TTC29: variants seen among roughly 807,000 people sequenced by gnomAD.
TTC29 encodes the protein tetratricopeptide repeat domain 29, also known as tetratricopeptide repeat protein 29.
Under a neutral mutation model 58.1 loss-of-function variants are expected in TTC29, and 49 were observed. The ratio of observed to expected loss-of-function variants is 0.84; its 90% CI spans 0.67 to 1.07. The LOEUF (loss-of-function observed/expected upper bound fraction) is 1.07. TTC29 is among the 50% of genes least tolerant of loss of function. The probability of loss-of-function intolerance (pLI) is 0.00; values close to 1 mark genes in which losing one functional copy is unlikely to be tolerated. For synonymous variants in TTC29, 209 were observed against 196.8 expected (o/e 1.06, Z -0.52); for missense variants, 582 against 555.6 (o/e 1.05, Z -0.48).
intron 11 of TTC29, among the ~76,000 whole-genome samples, chr4:146,790,163 A>G (rs1222215392): frequency 1.3e-5 from 2 of 151,712 alleles, no homozygotes; most frequent in African/African-American, 4.8e-5. Flanking sequence ...GCCCTCACCA[A>G]ATCCAAACCC....
intron 2 of TTC29, 68 bp from the exon 3 acceptor site, chr4:146,939,969 T>C: frequency 7.0e-7 from 1 of 1,429,742 alleles, no homozygotes; most frequent in Non-Finnish European, 9.5e-7. Context: ...TTTAAGACAT[T>C]ATTAGAGATT....
At chr4:146,867,122 A>G (rs1268865542) in intron 8 of TTC29, among the ~76,000 whole-genome samples, 2 of 152,192 alleles carry the variant, frequency 1.3e-5, no homozygotes, top group Non-Finnish European at 2.9e-5. Flanking sequence ...CTGTGTGTGC[A>G]AAATTTCCCA....
intron 11 of TTC29, among the ~76,000 whole-genome samples, chr4:146,725,123 C>CA (rs932167808): frequency 2.0e-5 from 3 of 151,822 alleles, no homozygotes; most frequent in African/African-American, 7.3e-5. Context: ...GTGGTAGGGA[C>CA]AAAAAAGTAC....
At chr4:146,880,278 G>T (rs1249244177) in intron 6 of TTC29, among the ~76,000 whole-genome samples, 1 of 152,036 alleles carries the variant, frequency 6.6e-6, no homozygotes, top group Admixed American at 6.6e-5. Context: ...GTTTTGTTTT[G>T]TTTATCAATT....
intron 7 of TTC29, among the ~76,000 whole-genome samples, chr4:146,870,954 G>A (rs1213509615): frequency 6.6e-6 from 1 of 151,854 alleles, no homozygotes; most frequent in East Asian, 1.9e-4. Flanking sequence ...AACTTTTTAA[G>A]CAATTAAGAG....
chr4:146,871,498 G>C (rs1041316762), intron 7 of TTC29, among the ~76,000 whole-genome samples: 1 of 151,814 alleles, frequency 6.6e-6, no homozygotes, highest in Admixed American at 6.6e-5. Context: ...CCATAGTCTT[G>C]TATATAGAGA....
At chr4:146,831,745 T>C (rs574690738) in intron 9 of TTC29, 71 of 452,068 alleles carry the variant, frequency 1.6e-4, no homozygotes, top group South Asian at 9.9e-4. Context: ...ATATTCCAGA[T>C]AAGAAGCAAG....
chr4:146,939,780 T>G (rs1463150789), intron 3 of TTC29, 24 bp downstream of exon 3: 1 of 1,582,388 alleles, frequency 6.3e-7, no homozygotes, highest in Non-Finnish European at 8.6e-7. Flanking sequence ...TGTAGGAAAA[T>G]AAGTAAAAAC....
chr4:146,841,948 CT>C (rs1255278438), intron 8 of TTC29, among the ~76,000 whole-genome samples: 1 of 152,150 alleles, frequency 6.6e-6, no homozygotes, highest in Non-Finnish European at 1.5e-5. Flanking sequence ...AACAAAACAA[CT>C]GCTTAATTTG....
At chr4:146,941,805 T>C (rs1453343856) in intron 2 of TTC29, among the ~76,000 whole-genome samples, 1 of 152,074 alleles carries the variant, frequency 6.6e-6, no homozygotes, top group East Asian at 1.9e-4. Flanking sequence ...TTCTTTCAGG[T>C]TAGACTGTAG....
At chr4:146,737,578 T>C (rs1280294416) in intron 11 of TTC29, among the ~76,000 whole-genome samples, 2 of 109,080 alleles carry the variant, frequency 1.8e-5, no homozygotes, top group Non-Finnish European at 3.6e-5. Context: ...GTGAGGCTGA[T>C]GCTAGTAGCC....
chr4:146,925,812 G>A (rs1734893454), intron 4 of TTC29, among the ~76,000 whole-genome samples: 1 of 152,152 alleles, frequency 6.6e-6, no homozygotes, highest in Non-Finnish European at 1.5e-5. Context: ...GGAGGTTCTG[G>A]ATCCAGGGTA....
chr4:146,904,857 A>G (rs1386211123), intron 5 of TTC29, among the ~76,000 whole-genome samples: 1 of 152,218 alleles, frequency 6.6e-6, no homozygotes, highest in Admixed American at 6.5e-5. Flanking sequence ...GGTTGATTAC[A>G]ACAAAGGGTC....
At chr4:146,918,922 T>G (rs1478975846) in intron 4 of TTC29, among the ~76,000 whole-genome samples, 3 of 151,082 alleles carry the variant, frequency 2.0e-5, no homozygotes, top group Non-Finnish European at 4.5e-5. Context: ...ATACTGTTTG[T>G]TTTAGAAACA....
intron 4 of TTC29, among the ~76,000 whole-genome samples, chr4:146,922,408 A>G (rs1335377055): frequency 6.6e-6 from 1 of 151,778 alleles, no homozygotes; most frequent in African/African-American, 2.4e-5. Context: ...AAAGAAAAAG[A>G]TATCTGTGCA....
chr4:146,875,148 T>TA (rs922924021), intron 6 of TTC29, among the ~76,000 whole-genome samples: 5 of 152,218 alleles, frequency 3.3e-5, no homozygotes, highest in African/African-American at 1.2e-4. Flanking sequence ...AGGGATGTAC[T>TA]CTGGCTAGTA....
At chr4:146,830,221 C>A (rs537135726) in intron 9 of TTC29, among the ~76,000 whole-genome samples, 2 of 152,122 alleles carry the variant, frequency 1.3e-5, no homozygotes, top group African/African-American at 4.8e-5. Context: ...AAAGTCTTAA[C>A]CAATTAATAT....
intron 8 of TTC29, among the ~76,000 whole-genome samples, chr4:146,835,392 A>G (rs1728440589): frequency 6.6e-6 from 1 of 152,194 alleles, no homozygotes; most frequent in African/African-American, 2.4e-5. Context: ...TGAATTTATA[A>G]GAGATCTTTT....
intron 6 of TTC29, among the ~76,000 whole-genome samples, chr4:146,882,900 ACTT>A (rs1355102924): frequency 1.3e-4 from 20 of 151,916 alleles, no homozygotes; most frequent in Admixed American, 1.2e-3. Flanking sequence ...TGTTGGTTGA[ACTT>A]CTACTATGTG....
Sources: allele counts gnomAD v4.1 joint callset (sites outside exome capture counted in the v4.1 genomes callset), GRCh38; gene constraint gnomAD v4.1.1; transcripts MANE v1.5; gene names NCBI Gene and HGNC (gene_info 2026-07-23, HGNC 2026-07-21).